PCDHA1: variants seen among roughly 807,000 people sequenced by gnomAD.
PCDHA1 encodes protocadherin alpha-1.
Under a neutral mutation model 61.3 loss-of-function variants are expected in PCDHA1, and 42 were observed. That is an observed-to-expected ratio of 0.69 (90% CI 0.54 to 0.89). The LOEUF (loss-of-function observed/expected upper bound fraction) is 0.89, where lower values mean the gene tolerates loss of function less well. Among genes scored for constraint, PCDHA1 ranks in the 40% least tolerant of loss-of-function variants. The pLI is 0.00. For synonymous variants in PCDHA1, 610 were observed against 553.8 expected, an observed-to-expected ratio of 1.10 and a Z score of -1.43; for missense variants, 1,256 against 1,235.3, an observed-to-expected ratio of 1.02 and a Z score of -0.25.
chr5:140,796,779 G>A (rs545092682), intron 1 of PCDHA1: 67 of 1,614,140 alleles, frequency 4.2e-5, no homozygotes, highest in East Asian at 6.7e-5. Flanking sequence ...GCTACAACGC[G>A]TGGCTTTCGT....
chr5:140,904,134 C>T (rs1583515585), intron 1 of PCDHA1, among the ~76,000 whole-genome samples: 2 of 152,002 alleles, frequency 1.3e-5, no homozygotes, highest in Admixed American at 6.6e-5. Flanking sequence ...ACCCATCACC[C>T]GAGCAGTATA....
intron 3 of PCDHA1, among the ~76,000 whole-genome samples, chr5:141,008,739 C>A (rs1554261919): frequency 1.3e-5 from 2 of 152,166 alleles, no homozygotes; most frequent in Non-Finnish European, 2.9e-5. Context: ...AGACTGTGAG[C>A]ACACTGAGGG....
chr5:140,895,631 C>T (rs1227407918), intron 1 of PCDHA1, among the ~76,000 whole-genome samples: 4 of 152,106 alleles, frequency 2.6e-5, no homozygotes, highest in African/African-American at 9.7e-5. Context: ...TGTCTTTTCA[C>T]ATTCTTTTTT....
intron 1 of PCDHA1, chr5:140,841,230 G>A: frequency 2.1e-6 from 3 of 1,461,326 alleles, no homozygotes; most frequent in Non-Finnish European, 2.8e-6. Context: ...AACAACGGGA[G>A]ATGCAGCGGA....
Position 140,853,770 on chromosome 5 carries a change from A to G in PCDHA1, c.2394+65086A>G. 3 of 988,146 alleles carry G rather than the reference A, an allele frequency of 3.0e-6. No homozygotes were observed. In the South Asian group the frequency reaches 1.4e-4, roughly 47 times the overall value. 61.2% of individuals were successfully genotyped at this position (988,146 alleles called of 1,614,324 possible). On this transcript the variant is annotated intron_variant, in intron 1 of 3. Coordinates refer to ENST00000504120, the MANE Select transcript of PCDHA1 (RefSeq NM_018900.4). ...CAAGGCTCCACCTCAGAAATTCTGA[A>G]ATGGGTAGTAAGAGCAAATTTTCAT...
At chr5:140,917,876 C>CT (rs575141569) in intron 1 of PCDHA1, among the ~76,000 whole-genome samples, 41 of 147,132 alleles carry the variant, frequency 2.8e-4, no homozygotes, top group Admixed American at 1.6e-3. Context: ...TATTTGGGCT[C>CT]TTTTTTTTTT....
intron 1 of PCDHA1, chr5:140,882,587 G>A (rs559310344): frequency 6.2e-7 from 1 of 1,614,256 alleles, no homozygotes; most frequent in East Asian, 2.2e-5. Flanking sequence ...CATCCACCTG[G>A]AGGTGATCGT....
At chr5:140,915,626 GTCTCTCTCTCTCTC>G in intron 1 of PCDHA1, among the ~76,000 whole-genome samples, 1 of 146,536 alleles carries the variant, frequency 6.8e-6, no homozygotes, top group Non-Finnish European at 1.5e-5. Flanking sequence ...GTCTCTTTCT[GTCTCTCTCTCTCTC>G]TCTCTCTCTC....
intron 1 of PCDHA1, chr5:140,843,675 T>A: frequency 6.3e-7 from 1 of 1,591,382 alleles, no homozygotes; most frequent in South Asian, 1.1e-5. Flanking sequence ...TCAGTTGATG[T>A]AGGCGAAGAG....
At chr5:140,916,367 C>T (rs1400347792) in intron 1 of PCDHA1, among the ~76,000 whole-genome samples, 2 of 152,196 alleles carry the variant, frequency 1.3e-5, no homozygotes, top group Non-Finnish European at 1.5e-5. Context: ...GAGTCTTTCA[C>T]TGTAGCCACC....
intron 1 of PCDHA1, chr5:140,882,537 TCGACCGCGAGGAGCTGTGTGGGC>T (rs1554174449): frequency 1.2e-6 from 2 of 1,614,058 alleles, no homozygotes; most frequent in African/African-American, 2.7e-5. Flanking sequence ...AATTCTCGGA[TCGACCGCGAGGAGCTGTGTGGGC>T]GGAGCGCGGA....
chr5:140,933,159 A>G (rs565076666), intron 1 of PCDHA1, among the ~76,000 whole-genome samples: 67 of 152,098 alleles, frequency 4.4e-4, no homozygotes, highest in African/African-American at 1.3e-3. Flanking sequence ...TTTGTTCCCA[A>G]TTTTAATTGA....
At chr5:140,848,360 G>A (rs1475773357) in intron 1 of PCDHA1, 1 of 1,069,390 alleles carries the variant, frequency 9.4e-7, no homozygotes, top group Non-Finnish European at 1.4e-6. Context: ...TTTCCCATGG[G>A]AAAGAGGCTC....
chr5:140,849,491 T>C (rs1554142975), intron 1 of PCDHA1: 1 of 1,592,292 alleles, frequency 6.3e-7, no homozygotes, highest in African/African-American at 1.4e-5. Context: ...CCCTGGCTGG[T>C]CATTGTACAC....
rs570631397 is a variant in PCDHA1, at chr5:140,879,658, A to G, written c.2394+90974A>G. Among the ~76,000 whole-genome samples the G allele has an allele frequency of 1.1e-4, 16 of 152,350 alleles. No homozygotes were observed. The South Asian group carries it at 3.1e-3, about 30-fold the overall frequency. ...TCGCTTCCTGTGGCTGCTATAACAA[A>G]CGAACACAAACTGGGTGCTGTAAAA... On this transcript the variant is annotated intron_variant, in intron 1 of 3. Transcript: ENST00000504120.
At chr5:140,880,857 A>G (rs1296520788) in intron 1 of PCDHA1, among the ~76,000 whole-genome samples, 1 of 152,234 alleles carries the variant, frequency 6.6e-6, no homozygotes, top group African/African-American at 2.4e-5. Flanking sequence ...ATGTAGTCTA[A>G]TTATGTGAAG....
intron 1 of PCDHA1, chr5:140,805,578 C>T (rs1029560750): frequency 3.2e-6 from 3 of 945,614 alleles, no homozygotes; most frequent in South Asian, 4.9e-5. Context: ...TTTTAAATGG[C>T]TACCATTATG....
intron 1 of PCDHA1, among the ~76,000 whole-genome samples, chr5:140,965,996 A>G (rs2095956267): frequency 6.6e-6 from 1 of 152,102 alleles, no homozygotes; most frequent in South Asian, 2.1e-4. Context: ...TGCAGTACTT[A>G]AGAGTGTCCA....
rs1479921830 is a variant in PCDHA1 at position 140,876,971 on chromosome 5, G to A, written c.2394+88287G>A. The A allele has an allele frequency of 1.9e-6, 3 of 1,612,696 alleles. No homozygotes were observed. In the African/African-American group the frequency reaches 4.0e-5, roughly 22 times the overall value. On this transcript the variant is annotated intron_variant, in intron 1 of 3. Coordinates refer to ENST00000504120, the MANE Select transcript of PCDHA1 (RefSeq NM_018900.4). ...TACTCGCTGGTGGAGCGGCGGGTGG[G>A]CGAGCACGCACTGTCGAGCTACGTG...
Sources: gnomAD v4.1 joint callset for allele counts (sites outside exome capture counted in the v4.1 genomes callset) on GRCh38, gnomAD v4.1.1 for gene constraint, MANE v1.5 for transcripts, NCBI Gene and HGNC (gene_info 2026-07-23, HGNC 2026-07-21) for gene names.